KHDRBS2: variants seen among roughly 807,000 people sequenced by gnomAD.
The protein encoded by KHDRBS2 is KH RNA binding domain containing, signal transduction associated 2.
Under a neutral mutation model 44.3 loss-of-function variants are expected in KHDRBS2, and 26 were observed. The ratio of observed to expected loss-of-function variants is 0.59; its 90% CI spans 0.43 to 0.81. The LOEUF (loss-of-function observed/expected upper bound fraction) is 0.81, where lower values mean the gene tolerates loss of function less well. Among genes scored for constraint, KHDRBS2 ranks in the 40% least tolerant of loss-of-function variants. The pLI, the probability that KHDRBS2 is intolerant of heterozygous loss-of-function variation, is 0.00. For synonymous variants in KHDRBS2, 194 were observed against 151.1 expected (o/e 1.28, Z -2.08); for missense variants, 476 against 433.1 (o/e 1.10, Z -0.88).
At chr6:61,867,507 G>A (rs1436714666) in intron 6 of KHDRBS2, among the ~76,000 whole-genome samples, 3 of 152,140 alleles carry the variant, frequency 2.0e-5, no homozygotes, top group African/African-American at 7.2e-5. Context: ...AGGGAGGTGT[G>A]GTCATTTGGA....
At chr6:61,604,545 T>A in the KHDRBS2 span, among the ~76,000 whole-genome samples, 1 of 152,224 alleles carries the variant, frequency 6.6e-6, no homozygotes, top group Admixed American at 6.5e-5. Context: ...CTCTTCCATG[T>A]AGGTTACAAG....
rs1421278632 is a variant in KHDRBS2, at chr6:61,680,281, CAT to C, written c.*680_*681del. 6.6e-6 allele frequency: 1 copy of C among 152,074 alleles called. No homozygotes were observed. Among genetic ancestry groups the C allele is most frequent in the Non-Finnish European group, 1.5e-5 (1 of 67,844 alleles). The allele number at this position is 152,074 out of a possible 1,614,324, so 9.4% of individuals were successfully genotyped here. A position where few individuals can be genotyped will look rare whatever the true frequency, so the allele number is the denominator to read the frequency against. On this transcript the variant is annotated 3_prime_UTR_variant, in exon 9 of 9. Coordinates refer to ENST00000281156, the MANE Select transcript of KHDRBS2 (RefSeq NM_152688.4). ...AGCTTTATTGACAAATTATGGCAAA[CAT>C]ATTTGACAAATTGTGGTTTCCTATT... is the stretch of plus-strand genomic sequence containing the variant.
chr6:62,076,581 T>C (rs1299935107), intron 2 of KHDRBS2, among the ~76,000 whole-genome samples: 1 of 151,896 alleles, frequency 6.6e-6, no homozygotes, highest in African/African-American at 2.4e-5. Context: ...TTAGTTGGGG[T>C]CATAAAATTA....
intron 4 of KHDRBS2, among the ~76,000 whole-genome samples, chr6:61,936,357 G>C (rs189217971): frequency 2.0e-5 from 3 of 151,808 alleles, no homozygotes; most frequent in Admixed American, 2.0e-4. Flanking sequence ...TTTTTATTCG[G>C]CCCCATAGGG....
At chr6:61,546,430 C>T in the KHDRBS2 span, among the ~76,000 whole-genome samples, 1 of 152,122 alleles carries the variant, frequency 6.6e-6, no homozygotes, top group Non-Finnish European at 1.5e-5. Context: ...TTGATAGGTT[C>T]TTGGAAACTG....
At chr6:61,823,144 C>G (rs1386016465) in intron 6 of KHDRBS2, among the ~76,000 whole-genome samples, 1 of 151,920 alleles carries the variant, frequency 6.6e-6, no homozygotes, top group Non-Finnish European at 1.5e-5. Flanking sequence ...TCTGACTAGA[C>G]TCAGTTGCAA....
chr6:61,681,723 C>G (rs1388216805), intron 8 of KHDRBS2, among the ~76,000 whole-genome samples: 1 of 151,840 alleles, frequency 6.6e-6, no homozygotes. Flanking sequence ...ACTCCATTTA[C>G]CTGCTAATTT....
At chr6:62,157,197 T>A (rs1332690567) in intron 2 of KHDRBS2, among the ~76,000 whole-genome samples, 1 of 151,166 alleles carries the variant, frequency 6.6e-6, no homozygotes, top group East Asian at 2.0e-4. Context: ...CTACTAAAAA[T>A]AAGTAGTCCC....
chr6:62,105,502 T>C (rs539700803), intron 2 of KHDRBS2, among the ~76,000 whole-genome samples: 6 of 152,286 alleles, frequency 3.9e-5, no homozygotes, highest in African/African-American at 1.4e-4. Context: ...TGGTTTAGTC[T>C]TGGGAGGGTG....
chr6:61,868,667 C>A (rs114984394), intron 6 of KHDRBS2, among the ~76,000 whole-genome samples: 1,979 of 152,154 alleles, frequency 0.013, 49 homozygotes, highest in African/African-American at 0.045. Flanking sequence ...GCCATTTGGG[C>A]TCTCCAAAGC....
intron 4 of KHDRBS2, among the ~76,000 whole-genome samples, chr6:61,906,315 T>C (rs1805007160): frequency 1.3e-5 from 2 of 152,190 alleles, no homozygotes; most frequent in African/African-American, 2.4e-5. Context: ...TGTTTTGATA[T>C]AGGTATATGA....
intron 2 of KHDRBS2, among the ~76,000 whole-genome samples, chr6:62,072,345 G>T (rs1302743292): frequency 6.6e-6 from 1 of 152,066 alleles, no homozygotes; most frequent in Non-Finnish European, 1.5e-5. Flanking sequence ...TCCTTCTCCT[G>T]CCTGATTGCC....
In KHDRBS2 at chr6:61,719,964, T is replaced by A. The variant is rs527678193; in HGVS notation, c.893+12718A>T. ...CCACAACAGTCCCCAGAGTGTGATG[T>A]TCCCCTTCCTGTGTCCATGTGTTCT... is the stretch of plus-strand genomic sequence containing the variant. On this transcript the variant is annotated intron_variant, in intron 7 of 8. Coordinates refer to ENST00000281156, the MANE Select transcript of KHDRBS2 (RefSeq NM_152688.4). 2.0e-5 allele frequency among the ~76,000 whole-genome samples: 3 copies of A among 152,206 alleles called. No individual in the cohort carries two copies. The East Asian group carries it at 5.8e-4, about 29-fold the overall frequency.
intron 7 of KHDRBS2, among the ~76,000 whole-genome samples, chr6:61,721,762 A>G (rs1229530756): frequency 9.9e-6 from 1 of 101,436 alleles, no homozygotes; most frequent in African/African-American, 3.5e-5. Flanking sequence ...CTAATTGAAT[A>G]CCTTTTATTT....
chr6:61,811,102 T>C (rs532987861), intron 6 of KHDRBS2, among the ~76,000 whole-genome samples: 1 of 152,206 alleles, frequency 6.6e-6, no homozygotes, highest in African/African-American at 2.4e-5. Flanking sequence ...TTTCAGCCCT[T>C]TCCCCCTCCT....
intron 2 of KHDRBS2, among the ~76,000 whole-genome samples, chr6:62,160,433 T>A (rs1276010365): frequency 6.6e-6 from 1 of 152,138 alleles, no homozygotes; most frequent in Non-Finnish European, 1.5e-5. Flanking sequence ...GTGTTAGGAA[T>A]GCTAGCCAGC....
intron 6 of KHDRBS2, among the ~76,000 whole-genome samples, chr6:61,848,553 A>T (rs9445501): frequency 6.6e-5 from 2 of 30,146 alleles, no homozygotes; most frequent in Admixed American, 2.7e-4. Context: ...ATATATATAC[A>T]TATATATATG....
the KHDRBS2 span, among the ~76,000 whole-genome samples, chr6:61,670,217 C>A: frequency 1.3e-5 from 2 of 151,174 alleles, no homozygotes; most frequent in African/African-American, 4.8e-5. Flanking sequence ...GTACTAAGTT[C>A]CCATTAATTC....
intron 3 of KHDRBS2, among the ~76,000 whole-genome samples, chr6:62,016,591 T>C (rs1332969362): frequency 6.7e-6 from 1 of 148,972 alleles, no homozygotes; most frequent in African/African-American, 2.4e-5. Context: ...AATACATTTA[T>C]ATAATATGTA....
Sources: allele counts gnomAD v4.1 joint callset (sites outside exome capture counted in the v4.1 genomes callset), GRCh38; gene constraint gnomAD v4.1.1; transcripts MANE v1.5; gene names NCBI Gene and HGNC (gene_info 2026-07-23, HGNC 2026-07-21).